Variants in CDYL2 observed in about 807,000 individuals in gnomAD.
The protein encoded by CDYL2 is chromodomain Y like 2, also known as chromodomain Y-like protein 2.
A neutral mutation model predicts 49.4 loss-of-function variants in CDYL2; 23 were observed. That is an observed-to-expected ratio of 0.47 (90% CI 0.34 to 0.66). CDYL2 has a LOEUF of 0.66. CDYL2 is among the 30% of genes least tolerant of loss of function. The pLI is 0.01. For missense variants in CDYL2, 678 were observed against 656.4 expected (o/e 1.03, Z -0.36); for synonymous variants, 360 against 268.8 (o/e 1.34, Z -3.32).
chr16:80,718,400 G>T (rs1270621752), intron 1 of CDYL2, among the ~76,000 whole-genome samples: 4 of 152,144 alleles, frequency 2.6e-5, no homozygotes, highest in Non-Finnish European at 5.9e-5. Context: ...TCAACCCACT[G>T]AAGGGGAGGT....
intron 1 of CDYL2, among the ~76,000 whole-genome samples, chr16:80,761,923 G>A (rs1310239730): frequency 6.7e-6 from 1 of 148,628 alleles, no homozygotes; most frequent in Non-Finnish European, 1.5e-5. Flanking sequence ...GCACGGTGGT[G>A]CACAAAAATC....
intron 1 of CDYL2, among the ~76,000 whole-genome samples, chr16:80,798,861 T>C (rs1227238343): frequency 1.3e-5 from 2 of 152,188 alleles, no homozygotes; most frequent in Non-Finnish European, 1.5e-5. Context: ...TCAATATTTA[T>C]AATGGTTTAC....
intron 1 of CDYL2, among the ~76,000 whole-genome samples, chr16:80,758,471 C>A (rs1327042723): frequency 6.6e-6 from 1 of 151,284 alleles, no homozygotes; most frequent in Non-Finnish European, 1.5e-5. Context: ...GATGCAGAAA[C>A]GCTTTTTTCT....
chr16:80,751,580 A>C (rs1317550696), intron 1 of CDYL2, among the ~76,000 whole-genome samples: 1 of 152,240 alleles, frequency 6.6e-6, no homozygotes, highest in Non-Finnish European at 1.5e-5. Context: ...ACAGAAGAGA[A>C]ACAGAGAACT....
chr16:80,663,523 T>A (rs1567561084), intron 2 of CDYL2, among the ~76,000 whole-genome samples: 1 of 152,138 alleles, frequency 6.6e-6, no homozygotes, highest in Non-Finnish European at 1.5e-5. Context: ...AAAGTTTAGG[T>A]TCTCAGATTA....
intron 1 of CDYL2, among the ~76,000 whole-genome samples, chr16:80,790,403 A>C (rs890865365): frequency 2.6e-5 from 4 of 152,230 alleles, no homozygotes; most frequent in African/African-American, 9.6e-5. Flanking sequence ...TACAGCAATT[A>C]AGAGAAAAAA....
At chr16:80,785,329 CAGAG>C (rs943389540) in intron 1 of CDYL2, among the ~76,000 whole-genome samples, 7 of 152,120 alleles carry the variant, frequency 4.6e-5, no homozygotes, top group Non-Finnish European at 8.8e-5. Context: ...AACAGACAAA[CAGAG>C]AGCCAAATCA....
intron 1 of CDYL2, among the ~76,000 whole-genome samples, chr16:80,722,498 G>A (rs1005648303): frequency 2.6e-5 from 4 of 152,162 alleles, no homozygotes; most frequent in South Asian, 2.1e-4. Flanking sequence ...AGCCAACAAC[G>A]GCAAAGTCAT....
At chr16:80,721,183 G>C (rs1234024155) in intron 1 of CDYL2, among the ~76,000 whole-genome samples, 2 of 152,092 alleles carry the variant, frequency 1.3e-5, no homozygotes, top group African/African-American at 4.8e-5. Flanking sequence ...AGAGTGCTAA[G>C]AAACTAATCA....
chr16:80,726,745 C>T (rs1905174994), intron 1 of CDYL2, among the ~76,000 whole-genome samples: 1 of 152,072 alleles, frequency 6.6e-6, no homozygotes, highest in Non-Finnish European at 1.5e-5. Flanking sequence ...TCCTGCAGTG[C>T]CAGAAAGTAA....
chr16:80,643,783 A>C (rs1263189606), intron 2 of CDYL2, among the ~76,000 whole-genome samples: 1 of 152,202 alleles, frequency 6.6e-6, no homozygotes, highest in Non-Finnish European at 1.5e-5. Context: ...CCTAGGCTGC[A>C]CACAGCAACA....
At chr16:80,629,107 C>T (rs571286920) in intron 3 of CDYL2, among the ~76,000 whole-genome samples, 14 of 152,260 alleles carry the variant, frequency 9.2e-5, no homozygotes, top group African/African-American at 2.9e-4. Flanking sequence ...GACTGCACCA[C>T]GCTGAGGGTT....
At chr16:80,746,016 A>G (rs1905916953) in intron 1 of CDYL2, among the ~76,000 whole-genome samples, 1 of 152,206 alleles carries the variant, frequency 6.6e-6, no homozygotes, top group Admixed American at 6.5e-5. Flanking sequence ...TAAAGCTCGC[A>G]CTTGTCTCTG....
chr16:80,733,850 A>C (rs1413153724), intron 1 of CDYL2, among the ~76,000 whole-genome samples: 1 of 151,882 alleles, frequency 6.6e-6, no homozygotes, highest in Non-Finnish European at 1.5e-5. Context: ...TCTCATCTCC[A>C]CTCAGAAGCC....
chr16:80,750,209 A>G (rs2142561984), intron 1 of CDYL2, among the ~76,000 whole-genome samples: 1 of 152,266 alleles, frequency 6.6e-6, no homozygotes, highest in South Asian at 2.1e-4. Flanking sequence ...CATGTACCCT[A>G]GAACTTAAAA....
chr16:80,631,121 C>G (rs1195384602), intron 3 of CDYL2, among the ~76,000 whole-genome samples: 1 of 152,228 alleles, frequency 6.6e-6, no homozygotes, highest in Non-Finnish European at 1.5e-5. Flanking sequence ...AACAGAACCC[C>G]TGCCCTCCTG....
intron 1 of CDYL2, among the ~76,000 whole-genome samples, chr16:80,778,570 T>A (rs749924235): frequency 9.2e-5 from 14 of 152,034 alleles, no homozygotes; most frequent in Non-Finnish European, 1.8e-4. Context: ...TCCTAACACA[T>A]ACAAAAGAAA....
At chr16:80,803,667 C>A (rs1441888214) in intron 1 of CDYL2, among the ~76,000 whole-genome samples, 2 of 141,780 alleles carry the variant, frequency 1.4e-5, no homozygotes, top group African/African-American at 5.2e-5. Flanking sequence ...GCCCGCCCCC[C>A]TCCTCCCCCG....
At position 80,599,579 on chromosome 16, in the gene CDYL2, C is replaced by T. The variant is rs905363544; in HGVS notation, c.*4809G>A. 3 of 152,180 alleles carry T rather than the reference C, an allele frequency of 2.0e-5. No individual in the cohort carries two copies. Among genetic ancestry groups the T allele is most frequent in the African/African-American group, 7.2e-5 (3 of 41,440 alleles). The allele number at this position is 152,180 out of a possible 1,614,324, so 9.4% of individuals were successfully genotyped here. On this transcript the variant is annotated 3_prime_UTR_variant, in exon 7 of 7. Coordinates refer to ENST00000570137, the MANE Select transcript of CDYL2 (RefSeq NM_152342.4). ...GTTCATTGATAAGACACTGAGGACA[C>T]ATGGGAATGCTGATTGTGTAACTAA...
Sources: allele counts gnomAD v4.1 joint callset (sites outside exome capture counted in the v4.1 genomes callset), GRCh38; gene constraint gnomAD v4.1.1; transcripts MANE v1.5; gene names NCBI Gene and HGNC (gene_info 2026-07-23, HGNC 2026-07-21).